Variants in CTNNA2 observed in about 807,000 individuals in gnomAD.
CTNNA2 encodes catenin alpha-2.
In CTNNA2, 42 loss-of-function variants were observed where a neutral mutation model predicts 101.0. The observed-to-expected ratio is 0.42, with a 90% CI of 0.32 to 0.54. The LOEUF (loss-of-function observed/expected upper bound fraction) is 0.54, where lower values mean the gene tolerates loss of function less well. Among genes scored for constraint, CTNNA2 ranks in the 20% least tolerant of loss-of-function variants. The pLI, the probability that CTNNA2 is intolerant of heterozygous loss-of-function variation, is 0.14. For synonymous variants in CTNNA2, 450 were observed against 456.4 expected (o/e 0.99, Z 0.18); for missense variants, 871 against 1,223.1 (o/e 0.71, Z 4.29).
chr2:80,312,432 A>C (rs919154929), intron 7 of CTNNA2, among the ~76,000 whole-genome samples: 4 of 152,226 alleles, frequency 2.6e-5, no homozygotes, highest in African/African-American at 9.6e-5. Flanking sequence ...ACCAAGGGTG[A>C]CTCAGGTCAA....
At chr2:79,925,179 G>C (rs574934240) in intron 7 of CTNNA2, among the ~76,000 whole-genome samples, 6 of 151,974 alleles carry the variant, frequency 3.9e-5, no homozygotes, top group Non-Finnish European at 8.8e-5. Context: ...GTTTACTAAA[G>C]GTTACATTTA....
chr2:79,281,952 C>T (rs1206992466), intron 2 of CTNNA2, among the ~76,000 whole-genome samples: 1 of 152,080 alleles, frequency 6.6e-6, no homozygotes, highest in East Asian at 1.9e-4. Flanking sequence ...AATAGTCCAG[C>T]TTAATGTGTG....
intron 4 of CTNNA2, among the ~76,000 whole-genome samples, chr2:79,501,690 A>G (rs1483404447): frequency 6.6e-6 from 1 of 152,210 alleles, no homozygotes; most frequent in African/African-American, 2.4e-5. Context: ...TTGTAGTTTC[A>G]GGGAAGATCA....
chr2:80,037,795 T>A (rs868073845), intron 7 of CTNNA2, among the ~76,000 whole-genome samples: 7 of 152,316 alleles, frequency 4.6e-5, no homozygotes, highest in African/African-American at 7.2e-5. Flanking sequence ...CTAAAAAAAA[T>A]TAGTTTTCTT....
At chr2:79,678,557 A>G (rs1000234404) in intron 2 of CTNNA2, among the ~76,000 whole-genome samples, 2 of 150,120 alleles carry the variant, frequency 1.3e-5, no homozygotes, top group East Asian at 2.0e-4. Flanking sequence ...AAAAAAAAAA[A>G]GAAAAAGTCT....
At chr2:80,407,784 T>A (rs1467536018) in intron 8 of CTNNA2, among the ~76,000 whole-genome samples, 2 of 152,150 alleles carry the variant, frequency 1.3e-5, no homozygotes, top group Non-Finnish European at 2.9e-5. Context: ...CTATCTGAAA[T>A]GAAGTACCTC....
intron 7 of CTNNA2, among the ~76,000 whole-genome samples, chr2:80,128,545 C>A (rs1702254310): frequency 2.0e-5 from 3 of 152,046 alleles, no homozygotes; most frequent in South Asian, 4.1e-4. Flanking sequence ...AAATAATGGG[C>A]CAATGTAAAG....
chr2:79,748,572 C>T (rs6547271), intron 3 of CTNNA2, among the ~76,000 whole-genome samples: 7,040 of 151,996 alleles, frequency 0.046, 222 homozygotes, highest in African/African-American at 0.092. Flanking sequence ...TCATATTGTA[C>T]ATGTCCATTT....
chr2:80,543,012 A>T (rs1224982012), intron 9 of CTNNA2, among the ~76,000 whole-genome samples: 1 of 152,180 alleles, frequency 6.6e-6, no homozygotes, highest in Non-Finnish European at 1.5e-5. Context: ...TGTCTTGCCA[A>T]ATTAAGGGTG....
chr2:80,610,608 C>T (rs180994379), intron 17 of CTNNA2, among the ~76,000 whole-genome samples: 4 of 151,590 alleles, frequency 2.6e-5, no homozygotes, highest in African/African-American at 9.7e-5. Flanking sequence ...TAGAAGTCAA[C>T]CTCTCTACCC....
intron 9 of CTNNA2, among the ~76,000 whole-genome samples, chr2:80,431,434 C>T (rs546845267): frequency 1.3e-5 from 2 of 152,184 alleles, no homozygotes; most frequent in East Asian, 1.9e-4. Flanking sequence ...ATTTAGGTGC[C>T]GCCTATCTTT....
chr2:80,545,384 A>C (rs1691955773), intron 10 of CTNNA2, among the ~76,000 whole-genome samples: 2 of 151,424 alleles, frequency 1.3e-5, no homozygotes, highest in South Asian at 2.1e-4. Context: ...CCATCTCTAC[A>C]AAAAAATAAA....
intron 2 of CTNNA2, among the ~76,000 whole-genome samples, chr2:79,684,407 G>C (rs1481116830): frequency 6.6e-6 from 1 of 152,080 alleles, no homozygotes; most frequent in Non-Finnish European, 1.5e-5. Flanking sequence ...CCTATAGTGT[G>C]AAAAACTGTA....
intron 3 of CTNNA2, among the ~76,000 whole-genome samples, chr2:79,365,041 G>T (rs1677713087): frequency 6.6e-6 from 1 of 152,040 alleles, no homozygotes; most frequent in Non-Finnish European, 1.5e-5. Flanking sequence ...TTTGGGAGGT[G>T]AGGTGGGTGG....
chr2:79,451,378 TATTAC>T (rs1670746781), intron 4 of CTNNA2, among the ~76,000 whole-genome samples: 1 of 152,124 alleles, frequency 6.6e-6, no homozygotes, highest in African/African-American at 2.4e-5. Context: ...TGAAAAATTT[TATTAC>T]ATTAAATACA....
At chr2:80,178,636 ACTGGCAG>A (rs1321984616) in intron 7 of CTNNA2, among the ~76,000 whole-genome samples, 1 of 152,062 alleles carries the variant, frequency 6.6e-6, no homozygotes, top group African/African-American at 2.4e-5. Context: ...CCCACTCAAA[ACTGGCAG>A]CCTTTCAGGT....
rs183329462 is a variant in CTNNA2 at position 80,632,489 on chromosome 2, G to A, written c.2574+13261G>A. On this transcript the variant is annotated intron_variant, in intron 18 of 18. Transcript: ENST00000402739. ...TGCTGCACTCCAAAGCCAAATTTGA[G>A]GGCCCCAAGCATGTTTCCTGTGTTC... 1.3e-3 allele frequency among the ~76,000 whole-genome samples: 191 copies of A among 152,116 alleles called. 5 individuals are homozygous for A. Among genetic ancestry groups the A allele is most frequent in the Admixed American group, 0.012 (188 of 15,256 alleles).
intron 4 of CTNNA2, among the ~76,000 whole-genome samples, chr2:79,390,584 C>T (rs1328896931): frequency 2.0e-5 from 3 of 152,136 alleles, no homozygotes; most frequent in African/African-American, 7.2e-5. Flanking sequence ...GTGGCTGCCA[C>T]TTTAGTAACA....
At chr2:79,911,624 A>T (rs1406386363) in intron 7 of CTNNA2, among the ~76,000 whole-genome samples, 2 of 152,168 alleles carry the variant, frequency 1.3e-5, no homozygotes, top group East Asian at 3.8e-4. Flanking sequence ...CAGCCTCGTG[A>T]TGCAGGAATG....
Sources: gnomAD v4.1 joint callset for allele counts (sites outside exome capture counted in the v4.1 genomes callset) on GRCh38, gnomAD v4.1.1 for gene constraint, MANE v1.5 for transcripts, NCBI Gene and HGNC (gene_info 2026-07-23, HGNC 2026-07-21) for gene names.